SORL1: variants seen among roughly 807,000 people sequenced by gnomAD.
SORL1 encodes the protein sortilin-related receptor.
Under a neutral mutation model 273.7 loss-of-function variants are expected in SORL1, and 127 were observed. That is an observed-to-expected ratio of 0.46 (90% CI 0.40 to 0.54). SORL1 has a LOEUF of 0.54. Among genes scored for constraint, SORL1 ranks in the 20% least tolerant of loss-of-function variants. The pLI, the probability that SORL1 is intolerant of heterozygous loss-of-function variation, is 0.00. For synonymous variants in SORL1, 1,031 were observed against 1,067.4 expected (o/e 0.97, Z 0.66); for missense variants, 2,494 against 2,846.1 (o/e 0.88, Z 2.81).
chr11:121,485,296 A>G (rs1431588591), intron 3 of SORL1, among the ~76,000 whole-genome samples: 1 of 152,212 alleles, frequency 6.6e-6, no homozygotes, highest in East Asian at 1.9e-4. Flanking sequence ...GGTAAGACCT[A>G]TGAATGAAGT....
At position 121,583,601 on chromosome 11, in the gene SORL1, A is replaced by G. The variant is rs1863047376; in HGVS notation, c.3706+18A>G. The G allele has an allele frequency of 2.5e-6, 4 of 1,596,804 alleles. No individual in the cohort carries two copies. Among genetic ancestry groups the G allele is most frequent in the Admixed American group, 3.5e-5 (2 of 57,932 alleles). ...CAACTGTGGTAAATGCAAATTCCCC[A>G]GCTCCCTCCCTGAGCCTCCCCAGTG... On this transcript the variant is annotated intron_variant, in intron 26 of 47. Transcript: ENST00000260197.
intron 25 of SORL1, 49 bp downstream of exon 25, chr11:121,577,449 G>T: frequency 6.7e-7 from 1 of 1,496,616 alleles, no homozygotes; most frequent in South Asian, 1.4e-5. Flanking sequence ...TTCATGCAGT[G>T]GTTAACATTA....
At chr11:121,490,963 C>G (rs1307930374) in intron 5 of SORL1, among the ~76,000 whole-genome samples, 1 of 152,126 alleles carries the variant, frequency 6.6e-6, no homozygotes, top group Non-Finnish European at 1.5e-5. Context: ...GAGGATTTAT[C>G]CTTCCAGATG....
intron 44 of SORL1, among the ~76,000 whole-genome samples, chr11:121,621,786 T>G (rs1179939428): frequency 6.6e-6 from 1 of 152,240 alleles, no homozygotes; most frequent in African/African-American, 2.4e-5. Context: ...TTTATGCTGG[T>G]GGCGTGCAGT....
At chr11:121,518,633 T>C (rs1196442333) in intron 8 of SORL1, among the ~76,000 whole-genome samples, 1 of 152,156 alleles carries the variant, frequency 6.6e-6, no homozygotes, top group Non-Finnish European at 1.5e-5. Flanking sequence ...AGCTGGTTCC[T>C]AAGGAAGCCC....
Position 121,621,211 on chromosome 11 carries a change from A to G in SORL1, c.6037A>G (p.Lys2013Glu), listed in dbSNP as rs754794157. ...HIIVQLGNMS[K>E]DSSIKITTVS... ...CATTGTCCAACTGGGGAACATGAGC[A>G]AAGATTCCAGCATAAAAATTACCAC... Residue 2013 changes from lysine to glutamate, a missense_variant, in exon 44 of 48, where the codon AAA becomes GAA. Transcript: ENST00000260197. 6.2e-7 allele frequency: 1 copy of G among 1,614,170 alleles called. No individual in the cohort carries two copies. Among genetic ancestry groups the G allele is most frequent in the South Asian group, 1.1e-5 (1 of 91,076 alleles).
chr11:121,567,110 C>G lies in SORL1; in HGVS notation c.3220C>G (p.Gln1074Glu), dbSNP rs1699107. ...GCTCAAGAACAATACCTGTGTCAAACAAGGTACTTCCCTTTTTCTTTTTTG... is the reference window on the plus strand; with the variant it reads ...GCTCAAGAACAATACCTGTGTCAAAGAAGGTACTTCCCTTTTTCTTTTTTG... ...YQLKNNTCVK[Q>E]ENTCLRNQYR... Residue 1074 changes from glutamine to glutamate, a missense_variant, in exon 22 of 48, where the codon CAA becomes GAA. Gln to Glu is a conservative substitution (Grantham distance 29). Coordinates refer to ENST00000260197, the MANE Select transcript of SORL1 (RefSeq NM_003105.6). The G allele has an allele frequency of 1, 1,606,299 of 1,611,134 alleles. 800,882 individuals carry two copies. Among genetic ancestry groups the G allele is most frequent in the East Asian group, 1 (44,740 of 44,740 alleles).
rs778609269 is a variant in SORL1, at chr11:121,615,008, A to G, written c.5557A>G (p.Ile1853Val). ...TGCACCTAGCCTCAAGGCCAAAGCC[A>G]TCAACCAGACTGCAGTGGAATGTAC... ...PPAPSLKAKA[I>V]NQTAVECTWT... Residue 1853 changes from isoleucine to valine, a missense_variant, in exon 41 of 48, where the codon ATC becomes GTC. Ile to Val is a conservative substitution (Grantham distance 29). This residue lies in a region of SORL1 where 1,609 missense variants were observed against 1,816.4 expected (regional missense o/e 0.89). Coordinates refer to ENST00000260197, the MANE Select transcript of SORL1 (RefSeq NM_003105.6). 131 of 1,612,586 alleles carry G rather than the reference A, an allele frequency of 8.1e-5. No individual in the cohort carries two copies. Among genetic ancestry groups the G allele is most frequent in the Non-Finnish European group, 1.0e-4 (120 of 1,179,564 alleles).
At chr11:121,606,467 A>G (rs773758187) in intron 35 of SORL1, among the ~76,000 whole-genome samples, 3 of 152,228 alleles carry the variant, frequency 2.0e-5, no homozygotes, top group Non-Finnish European at 2.9e-5. Flanking sequence ...TTTGGTAGTC[A>G]TGCCCACAGT....
At chr11:121,611,319 C>A in intron 39 of SORL1, 161 bp downstream of exon 39, 1 of 533,202 alleles carries the variant, frequency 1.9e-6, no homozygotes, top group Admixed American at 3.3e-5. Context: ...AGGGTGGTTC[C>A]TTCCCCCATG....
intron 3 of SORL1, among the ~76,000 whole-genome samples, chr11:121,478,560 A>G (rs1565306663): frequency 1.3e-5 from 2 of 152,214 alleles, no homozygotes; most frequent in South Asian, 4.1e-4. Flanking sequence ...TCCCAGGTAC[A>G]CTGAGAATAA....
intron 31 of SORL1, among the ~76,000 whole-genome samples, chr11:121,591,790 A>G (rs1863219051): frequency 6.6e-6 from 1 of 152,170 alleles, no homozygotes; most frequent in South Asian, 2.1e-4. Flanking sequence ...AATTTTTTGC[A>G]TGCTTTGCAT....
intron 26 of SORL1, among the ~76,000 whole-genome samples, chr11:121,584,826 T>A (rs1451380005): frequency 6.6e-6 from 1 of 152,184 alleles, no homozygotes; most frequent in Non-Finnish European, 1.5e-5. Flanking sequence ...ACTCCTGGGT[T>A]CAAGTGATCT....
At chr11:121,583,383 C>T in intron 25 of SORL1, 75 bp from the exon 26 acceptor site, 3 of 1,481,920 alleles carry the variant, frequency 2.0e-6, no homozygotes, top group Non-Finnish European at 2.7e-6. Flanking sequence ...AACCTCTTTT[C>T]AGCCCACCCC....
intron 6 of SORL1, among the ~76,000 whole-genome samples, chr11:121,501,473 T>C (rs958864648): frequency 6.6e-6 from 1 of 152,214 alleles, no homozygotes. Context: ...AATTTGTGAC[T>C]TTATTAGTCC....
intron 39 of SORL1, 186 bp from the exon 40 acceptor site, chr11:121,612,550 A>C: frequency 2.0e-6 from 1 of 494,320 alleles, no homozygotes; most frequent in South Asian, 2.7e-5. Flanking sequence ...GTGGAGTACA[A>C]CTAAATATTA....
chr11:121,595,682 G>A lies in SORL1; in HGVS notation c.4429G>A (p.Glu1477Lys), dbSNP rs750332675. 17 of 1,613,702 alleles carry A rather than the reference G, an allele frequency of 1.1e-5. No homozygotes were observed. Among genetic ancestry groups the A allele is most frequent in the South Asian group, 2.2e-5 (2 of 90,952 alleles). The change falls in exon 32 of 48, where the codon GAA becomes AAA. Residue 1477 changes from glutamate (E) to lysine (K), a missense_variant. Physicochemically the swap from Glu to Lys is moderately conservative, Grantham distance 56 (BLOSUM62 1). Around this residue, in one of 3 missense-constraint regions of SORL1, gnomAD observed 1,609 missense variants for 1,816.4 expected, o/e 0.89. Coordinates refer to ENST00000260197, the MANE Select transcript of SORL1 (RefSeq NM_003105.6). The surrounding 1 kb of genome is among the most constrained non-coding windows in gnomAD (Gnocchi z 5.1). The part of the protein sequence containing the change: ...QLGRCDRFEF[E>K]CHQPKTCIPN... Reference sequence around the variant, plus strand: ...TGGGCGATGTGACCGATTTGAGTTCGAATGCCACCAACCGAAGACGTGTAT... The same window carrying A: ...TGGGCGATGTGACCGATTTGAGTTCAAATGCCACCAACCGAAGACGTGTAT...
chr11:121,610,637 A>G (rs1365454916), intron 38 of SORL1: 1 of 155,594 alleles, frequency 6.4e-6, no homozygotes, highest in Non-Finnish European at 1.4e-5. Flanking sequence ...CAGAGGCCAC[A>G]TTCTTTCCAT....
chr11:121,456,717 A>C (rs1487032303), intron 1 of SORL1, among the ~76,000 whole-genome samples: 1 of 152,212 alleles, frequency 6.6e-6, no homozygotes, highest in African/African-American at 2.4e-5. Flanking sequence ...AAAGCCTAAC[A>C]GGATTTACAG....
Sources: gnomAD v4.1 joint callset for allele counts (sites outside exome capture counted in the v4.1 genomes callset) on GRCh38, gnomAD v4.1.1 for gene constraint, gnomAD v4.1.1 regional missense constraint, Gnocchi (gnomAD v3.1) non-coding constraint, MANE v1.5 for transcripts, NCBI Gene and HGNC (gene_info 2026-07-23, HGNC 2026-07-21) for gene names.